AGL: variants seen among roughly 807,000 people sequenced by gnomAD.
The protein encoded by AGL is glycogen debranching enzyme.
AGL carries 128 observed loss-of-function variants against 199.3 expected under a neutral mutation model. That is an observed-to-expected ratio of 0.64 (90% CI 0.56 to 0.74). AGL has a LOEUF of 0.74. Ranked by LOEUF, AGL falls within the 30% of genes least tolerant of loss-of-function variation. The pLI is 0.00. For synonymous variants in AGL, 584 were observed against 594.7 expected, an observed-to-expected ratio of 0.98 and a Z score of 0.26; for missense variants, 1,809 against 1,820.8, an observed-to-expected ratio of 0.99 and a Z score of 0.12.
chr1:99,904,583 C>A (rs979896621), intron 27 of AGL, among the ~76,000 whole-genome samples: 6 of 152,062 alleles, frequency 3.9e-5, no homozygotes, highest in African/African-American at 1.4e-4. Flanking sequence ...CCATAAAGAT[C>A]TTTGTGTACC....
At position 99,910,967 on chromosome 1, in the gene AGL, C is replaced by G. The variant is rs370275144; in HGVS notation, c.3836+120C>G. 1,684 of 1,017,922 alleles carry G rather than the reference C, an allele frequency of 1.7e-3. 1 individual carries two copies. The highest frequency in any genetic ancestry group is 2.2e-3 in the Non-Finnish European group (1,486 of 675,798). The allele number at this position is 1,017,922 out of a possible 1,614,324, so 63.1% of individuals were successfully genotyped here. The stretch of plus-strand genomic sequence containing the variant: ...CATTAAGTCAATCAAAATTTCCCTG[C>G]CTTCTTCCCTTCATCTCCCCATTAT... On this transcript the variant is annotated intron_variant, in intron 28 of 33. Transcript: ENST00000361915.
chr1:99,856,302 TC>T (rs1649412620), intron 2 of AGL, among the ~76,000 whole-genome samples: 1 of 51,172 alleles, frequency 2.0e-5, no homozygotes, highest in East Asian at 8.0e-4. Context: ...ATCCCTTCCT[TC>T]CTTCCTCCCT....
intron 27 of AGL, 69 bp from the exon 28 acceptor site, chr1:99,910,643 T>C: frequency 1.2e-6 from 1 of 827,136 alleles, no homozygotes; most frequent in South Asian, 3.5e-5. Context: ...TTGTAAATGT[T>C]TTAAAATATT....
chr1:99,899,297 A>G (rs1289112348), intron 25 of AGL, among the ~76,000 whole-genome samples: 1 of 152,192 alleles, frequency 6.6e-6, no homozygotes, highest in Non-Finnish European at 1.5e-5. Flanking sequence ...TAACATTTCC[A>G]AGGCCACACA....
intron 2 of AGL, chr1:99,852,793 CT>C: frequency 1.3e-6 from 1 of 768,834 alleles, no homozygotes; most frequent in Non-Finnish European, 2.4e-6. Context: ...TGATAAAGCC[CT>C]AAATAAATAT....
Position 99,861,616 on chromosome 1 carries a change from G to T in AGL, c.196G>T (p.Asp66Tyr). 6.2e-7 allele frequency: 1 copy of T among 1,613,824 alleles called. No individual in the cohort carries two copies. Among genetic ancestry groups the T allele is most frequent in the Non-Finnish European group, 8.5e-7 (1 of 1,179,842 alleles). The change falls in exon 3 of 34, where the codon GAT (aspartate) becomes TAT (tyrosine). Residue 66 changes from aspartate to tyrosine, a missense_variant. Asp to Tyr is a radical substitution (Grantham distance 160). Transcript: ENST00000361915. ...TFNREKFRSLDWENPTEREDD... is the reference protein window; with the variant it reads ...TFNREKFRSLYWENPTEREDD... ...TAATAGAGAAAAATTCCGTTCTCTG[G>T]ATTGGGAAAATCCAACAGAAAGAGA...
intron 5 of AGL, among the ~76,000 whole-genome samples, chr1:99,865,065 A>T (rs1425828592): frequency 6.6e-6 from 1 of 152,174 alleles, no homozygotes; most frequent in Admixed American, 6.5e-5. Flanking sequence ...CTGGAATGTG[A>T]CTCATCCTTT....
intron 17 of AGL, among the ~76,000 whole-genome samples, chr1:99,883,654 G>A (rs1216272213): frequency 2.0e-5 from 3 of 152,164 alleles, no homozygotes; most frequent in African/African-American, 7.2e-5. Flanking sequence ...ACAGGCATGT[G>A]TAGTGAAAAT....
intron 27 of AGL, among the ~76,000 whole-genome samples, chr1:99,906,688 A>G (rs1386169945): frequency 6.6e-6 from 1 of 152,214 alleles, no homozygotes. Context: ...AGGTTCATCC[A>G]TCTCATAGCA....
intron 28 of AGL, 121 bp downstream of exon 28, chr1:99,910,968 C>A: frequency 9.8e-7 from 1 of 1,021,284 alleles, no homozygotes; most frequent in Non-Finnish European, 1.5e-6. Flanking sequence ...ATTTCCCTGC[C>A]TTCTTCCCTT....
At chr1:99,861,139 G>A in intron 2 of AGL, 1 of 1,092,246 alleles carries the variant, frequency 9.2e-7, no homozygotes, top group Non-Finnish European at 1.1e-6. Context: ...ACTAGAGAAG[G>A]TCTCTCCTCA....
intron 2 of AGL, among the ~76,000 whole-genome samples, chr1:99,859,008 T>C (rs1649806005): frequency 6.6e-6 from 1 of 152,132 alleles, no homozygotes; most frequent in East Asian, 1.9e-4. Flanking sequence ...TTTGGAGATT[T>C]TAGATGAGTT....
intron 25 of AGL, among the ~76,000 whole-genome samples, chr1:99,898,391 GA>G (rs1238336684): frequency 6.6e-6 from 1 of 152,062 alleles, no homozygotes. Flanking sequence ...TTTAAAAGAA[GA>G]AAGCATGTGC....
intron 5 of AGL, among the ~76,000 whole-genome samples, chr1:99,869,086 A>G (rs1650772125): frequency 1.3e-5 from 2 of 152,266 alleles, no homozygotes; most frequent in African/African-American, 2.4e-5. Flanking sequence ...CAGCCTCCCA[A>G]AGTGCTGAGA....
In AGL at chr1:99,881,647, A is replaced by G. The variant is rs1419239485; in HGVS notation, c.2264A>G (p.Lys755Arg). The G allele has an allele frequency of 3.1e-6, 5 of 1,614,012 alleles. No homozygotes were observed. Among genetic ancestry groups the G allele is most frequent in the Admixed American group, 1.7e-5 (1 of 59,996 alleles). ...AVSRTAFRNP[K>R]TSFYSKEVPQ... Reference sequence around the variant, plus strand: ...TCTAGAACTGCTTTCAGGAATCCCAAGACTTCATTTTACAGCAAGGAAGTG... The same window carrying G: ...TCTAGAACTGCTTTCAGGAATCCCAGGACTTCATTTTACAGCAAGGAAGTG... The change falls in exon 17 of 34, where the codon AAG becomes AGG. Residue 755 changes from lysine to arginine, a missense_variant. Physicochemically the swap from Lys to Arg is conservative, Grantham distance 26. Coordinates refer to ENST00000361915, the MANE Select transcript of AGL (RefSeq NM_000642.3).
chr1:99,896,238 G>A (rs1450805434), intron 24 of AGL, 48 bp from the exon 25 acceptor site: 5 of 1,452,360 alleles, frequency 3.4e-6, no homozygotes, highest in Non-Finnish European at 4.8e-6. Flanking sequence ...ATAGGTTTGT[G>A]TGTATTATTA....
At chr1:99,886,331 T>A (rs1471979925) in intron 20 of AGL, among the ~76,000 whole-genome samples, 2 of 152,012 alleles carry the variant, frequency 1.3e-5, no homozygotes, top group African/African-American at 4.8e-5. Flanking sequence ...TTAAAAAAAT[T>A]AGCTGGAAGT....
At chr1:99,873,331 T>C (rs1467671927) in intron 7 of AGL, among the ~76,000 whole-genome samples, 1 of 152,178 alleles carries the variant, frequency 6.6e-6, no homozygotes, top group Non-Finnish European at 1.5e-5. Context: ...TTATCTGTGC[T>C]CTTCCACTGA....
At chr1:99,857,702 C>G (rs907096141) in intron 2 of AGL, among the ~76,000 whole-genome samples, 8 of 143,960 alleles carry the variant, frequency 5.6e-5, no homozygotes, top group African/African-American at 2.0e-4. Flanking sequence ...ATCGCAGGCA[C>G]TCGGCAGGCT....
Sources: allele counts gnomAD v4.1 joint callset (sites outside exome capture counted in the v4.1 genomes callset), GRCh38; gene constraint gnomAD v4.1.1; transcripts MANE v1.5; gene names NCBI Gene and HGNC (gene_info 2026-07-23, HGNC 2026-07-21).